Variants in RTCA observed in about 807,000 individuals in gnomAD.
The protein encoded by RTCA is RNA 3'-terminal phosphate cyclase.
Under a neutral mutation model 46.1 loss-of-function variants are expected in RTCA, and 37 were observed. That is an observed-to-expected ratio of 0.80 (90% CI 0.62 to 1.06). The LOEUF (loss-of-function observed/expected upper bound fraction) is 1.06. Ranked by LOEUF, RTCA falls within the 50% of genes least tolerant of loss-of-function variation. The pLI, the probability that RTCA is intolerant of heterozygous loss-of-function variation, is 0.00. For missense variants in RTCA, 435 were observed against 455.5 expected (o/e 0.95, Z 0.41); for synonymous variants, 164 against 158.3 (o/e 1.04, Z -0.27).
intron 5 of RTCA, among the ~76,000 whole-genome samples, chr1:100,273,745 CTG>C (rs759722720): frequency 2.6e-5 from 4 of 152,216 alleles, no homozygotes; most frequent in Admixed American, 6.5e-5. Context: ...TAAGTGCTCA[CTG>C]TGTGTAGACA....
chr1:100,279,353 C>T (rs1369513556), intron 8 of RTCA, among the ~76,000 whole-genome samples: 2 of 152,182 alleles, frequency 1.3e-5, no homozygotes, highest in Admixed American at 1.3e-4. Flanking sequence ...CAAAGGGAAT[C>T]CTTCTGGGGA....
At chr1:100,270,721 C>A (rs746388166) in intron 4 of RTCA, 41 bp downstream of exon 4, 1 of 1,603,234 alleles carries the variant, frequency 6.2e-7, no homozygotes, top group South Asian at 1.1e-5. Flanking sequence ...TGATCTCATA[C>A]ATGCTTCTGA....
intron 9 of RTCA, among the ~76,000 whole-genome samples, chr1:100,286,101 C>T (rs977582540): frequency 1.3e-5 from 2 of 152,158 alleles, no homozygotes; most frequent in Non-Finnish European, 1.5e-5. Flanking sequence ...TAACTCCTTG[C>T]TCATAATATC....
chr1:100,285,216 GCTTAT>G lies in RTCA; in HGVS notation c.800-7_800-3del, dbSNP rs1222599010. On this transcript the variant is annotated splice_region_variant and splice_polypyrimidine_tract_variant and intron_variant, in intron 8 of 10. Coordinates refer to ENST00000370128, the MANE Select transcript of RTCA (RefSeq NM_003729.4). ...TTGTTTTGTTTTGTTTTAATGTTGT[GCTTAT>G]CTTAAGGTGTAAATGCAGACAAAGT... The G allele has an allele frequency of 6.3e-7, 1 of 1,598,220 alleles. No homozygotes were observed. Among genetic ancestry groups the G allele is most frequent in the Admixed American group, 1.7e-5 (1 of 59,828 alleles).
In RTCA at chr1:100,266,463, G is replaced by C. The variant is rs780547357; in HGVS notation, c.45+43G>C. On this transcript the variant is annotated intron_variant, in intron 1 of 10. Transcript: ENST00000370128. ...CGGCCGGGGCTGCAGCCTAACTAAG[G>C]AGGGGAGCTCTCACCACCGGTGTGC... is the stretch of plus-strand genomic sequence containing the variant. The C allele has an allele frequency of 1.7e-5, 28 of 1,607,674 alleles. No homozygotes were observed. The South Asian group carries it at 3.0e-4, about 17-fold the overall frequency.
In RTCA at chr1:100,292,729, C is replaced by T. The variant is rs1456450043; in HGVS notation, c.*1225C>T. The stretch of plus-strand genomic sequence containing the variant: ...CATCCCCAGATATGTTTTTGTTTGG[C>T]TTGTGTTATTAACAAATAAATGAGT... On this transcript the variant is annotated 3_prime_UTR_variant, in exon 11 of 11. Transcript: ENST00000370128. The T allele has an allele frequency of 6.6e-6, 1 of 152,200 alleles. No homozygotes were observed. The highest frequency in any genetic ancestry group is 1.5e-5 in the Non-Finnish European group (1 of 68,036). The allele number at this position is 152,200 out of a possible 1,614,324, so 9.4% of individuals were successfully genotyped here. A position where few individuals can be genotyped will look rare whatever the true frequency, so the allele number is the denominator to read the frequency against.
chr1:100,286,454 CAAAAAAAAAAA>C (rs754851046), intron 9 of RTCA, among the ~76,000 whole-genome samples: 2 of 45,360 alleles, frequency 4.4e-5, no homozygotes, highest in Admixed American at 2.5e-4. Context: ...GACTCCGTCT[CAAAAAAAAAAA>C]AAAAAAAAAA....
chr1:100,282,670 A>G (rs1666776091), intron 8 of RTCA, among the ~76,000 whole-genome samples: 1 of 152,196 alleles, frequency 6.6e-6, no homozygotes, highest in African/African-American at 2.4e-5. Flanking sequence ...AATCTGAAAT[A>G]TTCCAAAATC....
At chr1:100,270,473 G>A (rs1286758249) in intron 3 of RTCA, 84 bp from the exon 4 acceptor site, 1 of 1,530,724 alleles carries the variant, frequency 6.5e-7, no homozygotes, top group Non-Finnish European at 8.9e-7. Context: ...TGGTAGTGAT[G>A]AACAAGAATA....
Position 100,270,580 on chromosome 1 carries a change from T to A in RTCA, c.314T>A (p.Val105Asp), listed in dbSNP as rs761875362. 4 of 1,614,104 alleles carry A rather than the reference T, an allele frequency of 2.5e-6. No homozygotes were observed. In the East Asian group the frequency reaches 8.9e-5, roughly 36 times the overall value. ...TAGSVCLLMQ[V>D]SMPCVLFAAS... ...AGGAGTGTGTGCCTCTTGATGCAGG[T>A]CTCAATGCCGTGTGTTCTCTTTGCT... The change falls in exon 4 of 11, where the codon GTC becomes GAC. Residue 105 changes from valine (V) to aspartate (D), a missense_variant. By Grantham distance (152) the Val-to-Asp change is radical. Transcript: ENST00000370128.
chr1:100,269,085 G>A (rs553583554), intron 3 of RTCA, among the ~76,000 whole-genome samples: 3 of 151,122 alleles, frequency 2.0e-5, no homozygotes, highest in South Asian at 2.1e-4. Flanking sequence ...GGTACATGCC[G>A]GTAGTCCCAT....
At chr1:100,268,568 G>T (rs967727218) in intron 3 of RTCA, among the ~76,000 whole-genome samples, 1 of 151,978 alleles carries the variant, frequency 6.6e-6, no homozygotes, top group Admixed American at 6.5e-5. Context: ...GCTAATTTTT[G>T]TATTTTTTAA....
At chr1:100,287,233 T>TA in intron 10 of RTCA, 30 bp downstream of exon 10, 1 of 1,486,252 alleles carries the variant, frequency 6.7e-7, no homozygotes, top group Non-Finnish European at 9.0e-7. Context: ...GGGAAATTGA[T>TA]ATTTTGATTT....
intron 8 of RTCA, among the ~76,000 whole-genome samples, chr1:100,284,826 G>A (rs982558873): frequency 3.3e-5 from 5 of 151,994 alleles, no homozygotes; most frequent in Non-Finnish European, 4.4e-5. Context: ...TTGAATTCCT[G>A]GCCTCAAGCA....
intron 4 of RTCA, among the ~76,000 whole-genome samples, chr1:100,272,093 C>T (rs1341098693): frequency 6.6e-6 from 1 of 152,060 alleles, no homozygotes; most frequent in Admixed American, 6.6e-5. Context: ...TGGGTGTTTC[C>T]AGATTTTGGC....
Position 100,275,632 on chromosome 1 carries a change from T to C in RTCA, c.649T>C (p.Cys217Arg). The change falls in exon 7 of 11, where the codon TGC becomes CGC. Residue 217 changes from cysteine (C) to arginine (R), a missense_variant. Coordinates refer to ENST00000370128, the MANE Select transcript of RTCA (RefSeq NM_003729.4). ...AGATATGGCAGCGGCAGCAGTTAGA[T>C]GCATCAGAAAGGAGATCCGGGATTT... ...AKDMAAAAVR[C>R]IRKEIRDLYV... The C allele has an allele frequency of 1.2e-6, 2 of 1,611,986 alleles. No homozygotes were observed. Among genetic ancestry groups the C allele is most frequent in the Non-Finnish European group, 1.7e-6 (2 of 1,178,960 alleles).
rs777384330 is a variant in RTCA, at chr1:100,274,881, A to G, written c.531A>G (p.Gln177=). ...EVIVRMSPVK[Q]LNPINLTERG... ...TTGTTCGAATGTCACCAGTTAAACAATTGAACCCTATAAATTTAACTGAGC... is the reference window on the plus strand; with the variant it reads ...TTGTTCGAATGTCACCAGTTAAACAGTTGAACCCTATAAATTTAACTGAGC... The change falls in exon 6 of 11, where the codon CAA becomes CAG. Residue 177 remains glutamine, a synonymous_variant. Transcript: ENST00000370128. The G allele has an allele frequency of 1.9e-6, 3 of 1,613,832 alleles. No individual in the cohort carries two copies. Among genetic ancestry groups the G allele is most frequent in the South Asian group, 1.1e-5 (1 of 91,050 alleles).
intron 8 of RTCA, among the ~76,000 whole-genome samples, chr1:100,283,644 C>A (rs1282952921): frequency 6.6e-6 from 1 of 152,054 alleles, no homozygotes; most frequent in African/African-American, 2.4e-5. Flanking sequence ...TTATTATCAT[C>A]TCCATCTTCT....
intron 7 of RTCA, among the ~76,000 whole-genome samples, chr1:100,276,416 C>T (rs1032135671): frequency 1.3e-5 from 2 of 152,128 alleles, no homozygotes; most frequent in African/African-American, 4.8e-5. Context: ...CGGTGGCTTA[C>T]ACCTGTAATC....
Sources: gnomAD v4.1 joint callset for allele counts (sites outside exome capture counted in the v4.1 genomes callset) on GRCh38, gnomAD v4.1.1 for gene constraint, MANE v1.5 for transcripts, NCBI Gene and HGNC (gene_info 2026-07-23, HGNC 2026-07-21) for gene names.